BBS7: variants seen among roughly 807,000 people sequenced by gnomAD.
BBS7 encodes the protein BBSome complex member BBS7.
Under a neutral mutation model 90.3 loss-of-function variants are expected in BBS7, and 50 were observed. The observed-to-expected ratio is 0.55, with a 90% CI of 0.44 to 0.70. The LOEUF (loss-of-function observed/expected upper bound fraction) is 0.70. BBS7 is among the 30% of genes least tolerant of loss of function. BBS7 has a pLI of 0.00. For missense variants in BBS7, 729 were observed against 838.9 expected (o/e 0.87, Z 1.62); for synonymous variants, 235 against 287.4 (o/e 0.82, Z 1.85).
intron 3 of BBS7, among the ~76,000 whole-genome samples, chr4:121,862,285 T>C (rs918952592): frequency 2.6e-5 from 4 of 152,200 alleles, no homozygotes; most frequent in Non-Finnish European, 4.4e-5. Flanking sequence ...ACAATATTCA[T>C]TTCATTAATT....
At chr4:121,836,968 G>GT (rs148415772) in intron 13 of BBS7, among the ~76,000 whole-genome samples, 35,430 of 149,420 alleles carry the variant, frequency 0.24, 4,507 homozygotes, top group Non-Finnish European at 0.27. Context: ...GGTTTTTTTT[G>GT]TTTTTTTTTG....
Position 121,852,944 on chromosome 4 carries a change from T to A in BBS7, c.849+12A>T. 4 of 1,613,048 alleles carry A rather than the reference T, an allele frequency of 2.5e-6. No homozygotes were observed. The highest frequency in any genetic ancestry group is 3.4e-6 in the Non-Finnish European group (4 of 1,179,258). The stretch of plus-strand genomic sequence containing the variant: ...CAAATAATAAGCATATAGTCTTTTT[T>A]AATGAACTTACCTGATCAAATCGTA... On this transcript the variant is annotated intron_variant, in intron 8 of 18. Coordinates refer to ENST00000264499, the MANE Select transcript of BBS7 (RefSeq NM_176824.3).
chr4:121,860,631 G>T (rs1726923439), intron 4 of BBS7, among the ~76,000 whole-genome samples: 1 of 152,124 alleles, frequency 6.6e-6, no homozygotes, highest in Admixed American at 6.5e-5. Context: ...CATTGGCCAT[G>T]TCTATATACA....
At chr4:121,855,423 C>T in intron 6 of BBS7, 66 bp downstream of exon 6, 2 of 1,442,084 alleles carry the variant, frequency 1.4e-6, no homozygotes, top group Non-Finnish European at 2.0e-6. Context: ...GTCCTTTCTA[C>T]AATTTCCCAT....
chr4:121,850,218 T>G (rs1350640550), intron 8 of BBS7, among the ~76,000 whole-genome samples: 1 of 152,030 alleles, frequency 6.6e-6, no homozygotes, highest in East Asian at 1.9e-4. Flanking sequence ...CAGGCTGGAA[T>G]GCAGTGCATG....
intron 8 of BBS7, among the ~76,000 whole-genome samples, chr4:121,850,404 A>C (rs1726257783): frequency 6.6e-6 from 1 of 152,050 alleles, no homozygotes; most frequent in Non-Finnish European, 1.5e-5. Flanking sequence ...GGGCTCAAGC[A>C]AACCTCCTGC....
At chr4:121,857,888 C>A (rs1328196451) in intron 5 of BBS7, among the ~76,000 whole-genome samples, 3 of 148,072 alleles carry the variant, frequency 2.0e-5, no homozygotes, top group Non-Finnish European at 4.4e-5. Flanking sequence ...CTCACCGCAA[C>A]CTCCGCCTCC....
intron 8 of BBS7, among the ~76,000 whole-genome samples, chr4:121,849,838 TAA>T (rs543871521): frequency 3.3e-5 from 5 of 151,384 alleles, no homozygotes; most frequent in African/African-American, 1.2e-4. Flanking sequence ...AAAATAAAAA[TAA>T]AAAAAAATTA....
chr4:121,831,321 T>G (rs1725170335), intron 15 of BBS7, among the ~76,000 whole-genome samples: 1 of 151,308 alleles, frequency 6.6e-6, no homozygotes, highest in Non-Finnish European at 1.5e-5. Context: ...CAAGGGAGAA[T>G]CAAAGAAGGC....
At position 121,852,950 on chromosome 4, in the gene BBS7, A is replaced by C. The variant is rs759955004; in HGVS notation, c.849+6T>G. On this transcript the variant is annotated splice_donor_region_variant and intron_variant, in intron 8 of 18. Transcript: ENST00000264499. ...ATAAGCATATAGTCTTTTTTAATGA[A>C]CTTACCTGATCAAATCGTAGAACAG... is the stretch of plus-strand genomic sequence containing the variant. The C allele has an allele frequency of 3.1e-6, 5 of 1,613,350 alleles. No homozygotes were observed. Among genetic ancestry groups the C allele is most frequent in the East Asian group, 2.2e-5 (1 of 44,800 alleles).
At chr4:121,845,823 A>G in intron 10 of BBS7, 127 bp from the exon 11 acceptor site, 1 of 880,570 alleles carries the variant, frequency 1.1e-6, no homozygotes, top group Non-Finnish European at 1.7e-6. Flanking sequence ...TAATAAAATA[A>G]AAACAAAGGG....
At chr4:121,861,745 A>G (rs1726993983) in intron 3 of BBS7, 66 bp from the exon 4 acceptor site, 5 of 1,555,062 alleles carry the variant, frequency 3.2e-6, no homozygotes, top group Admixed American at 3.4e-5. Context: ...TTCCTTTACA[A>G]TAGAAAATGT....
In BBS7 at chr4:121,844,295, G is replaced by C. The variant is rs554541572; in HGVS notation, c.1231-294C>G. 5.9e-5 allele frequency among the ~76,000 whole-genome samples: 9 copies of C among 152,272 alleles called. No individual in the cohort carries two copies. The South Asian group carries it at 1.9e-3, about 32-fold the overall frequency. ...CAATCATCCCACTTATTTTTATAAA[G>C]TGCTAAAAATGTTACCATGAGCTAT... On this transcript the variant is annotated intron_variant, in intron 11 of 18. Coordinates refer to ENST00000264499, the MANE Select transcript of BBS7 (RefSeq NM_176824.3).
intron 1 of BBS7, among the ~76,000 whole-genome samples, chr4:121,870,045 C>A (rs1727500597): frequency 6.6e-6 from 1 of 152,182 alleles, no homozygotes; most frequent in South Asian, 2.1e-4. Context: ...TCCTCAGGAC[C>A]CGGCAGAAGC....
At position 121,854,034 on chromosome 4, in the gene BBS7, T is replaced by A. The variant is rs1726465539; in HGVS notation, c.718+670A>T. ...TTCATATTGCTAACTCTTTTTCTTA[T>A]CAATCAGATCTCAGTTCAAATTTCA... On this transcript the variant is annotated intron_variant, in intron 7 of 18. Coordinates refer to ENST00000264499, the MANE Select transcript of BBS7 (RefSeq NM_176824.3). Among the ~76,000 whole-genome samples, 5 of 152,204 alleles carry A rather than the reference T, an allele frequency of 3.3e-5. No individual in the cohort carries two copies. The South Asian group carries it at 1.0e-3, about 32-fold the overall frequency.
chr4:121,828,293 C>T, intron 17 of BBS7, 24 bp from the exon 18 acceptor site: 1 of 1,605,126 alleles, frequency 6.2e-7, no homozygotes, highest in Non-Finnish European at 8.5e-7. Flanking sequence ...AAAACAGAAG[C>T]ACCTTAATAT....
At chr4:121,850,242 G>A (rs1726246745) in intron 8 of BBS7, among the ~76,000 whole-genome samples, 1 of 151,464 alleles carries the variant, frequency 6.6e-6, no homozygotes. Flanking sequence ...ATGGCTCACT[G>A]CAGCCTGGAC....
chr4:121,828,548 TC>T, intron 16 of BBS7, 43 bp from the exon 17 acceptor site: 2 of 1,555,976 alleles, frequency 1.3e-6, no homozygotes, highest in South Asian at 2.2e-5. Flanking sequence ...ATCACTTTGA[TC>T]AGAAACATTA....
At chr4:121,839,031 T>C (rs1420329551) in intron 13 of BBS7, among the ~76,000 whole-genome samples, 1 of 152,158 alleles carries the variant, frequency 6.6e-6, no homozygotes, top group Non-Finnish European at 1.5e-5. Flanking sequence ...AATAGTGTTG[T>C]AGTTATGTTT....
Sources: allele counts gnomAD v4.1 joint callset (sites outside exome capture counted in the v4.1 genomes callset), GRCh38; gene constraint gnomAD v4.1.1; transcripts MANE v1.5; gene names NCBI Gene and HGNC (gene_info 2026-07-23, HGNC 2026-07-21).